The following CFAP299 variants were observed in gnomAD, a reference collection of about 807,000 sequenced individuals.
CFAP299 encodes the protein cilia- and flagella-associated protein 299.
Under a neutral mutation model 27.0 loss-of-function variants are expected in CFAP299, and 21 were observed. The observed-to-expected ratio is 0.78, with a 90% CI of 0.55 to 1.12. The LOEUF (loss-of-function observed/expected upper bound fraction) is 1.12, where lower values mean the gene tolerates loss of function less well. Among genes scored for constraint, CFAP299 ranks in the 50% most tolerant of loss-of-function variants. The pLI, the probability that CFAP299 is intolerant of heterozygous loss-of-function variation, is 0.00. For synonymous variants in CFAP299, 104 were observed against 98.1 expected (o/e 1.06, Z -0.36); for missense variants, 310 against 276.6 (o/e 1.12, Z -0.86).
intron 3 of CFAP299, among the ~76,000 whole-genome samples, chr4:80,829,794 G>T (rs761874514): frequency 2.6e-5 from 4 of 152,032 alleles, no homozygotes; most frequent in Non-Finnish European, 5.9e-5. Context: ...TGATCTTTAC[G>T]GACATTATGC....
chr4:80,862,586 C>CATGACCTTT (rs1284710395), intron 3 of CFAP299, among the ~76,000 whole-genome samples: 1 of 152,006 alleles, frequency 6.6e-6, no homozygotes, highest in Non-Finnish European at 1.5e-5. Flanking sequence ...GTCCTTTGTC[C>CATGACCTTT]ATGACCTTTT....
intron 5 of CFAP299, among the ~76,000 whole-genome samples, chr4:80,954,991 C>G (rs1737981965): frequency 1.3e-5 from 1 of 74,394 alleles, no homozygotes. Flanking sequence ...CAGAGCAAGA[C>G]TCCATCAAAA....
At chr4:80,746,257 G>A (rs1211078201) in intron 3 of CFAP299, among the ~76,000 whole-genome samples, 3 of 151,814 alleles carry the variant, frequency 2.0e-5, no homozygotes, top group Non-Finnish European at 2.9e-5. Flanking sequence ...TAAAGAAATG[G>A]AGCATGCTAT....
intron 4 of CFAP299, among the ~76,000 whole-genome samples, chr4:80,919,118 G>A (rs1453856859): frequency 6.6e-6 from 1 of 152,064 alleles, no homozygotes; most frequent in Non-Finnish European, 1.5e-5. Context: ...ACAACCCTAT[G>A]GACCTGAATT....
intron 2 of CFAP299, among the ~76,000 whole-genome samples, chr4:80,519,102 C>T (rs1003872397): frequency 9.2e-5 from 14 of 152,070 alleles, no homozygotes; most frequent in African/African-American, 3.4e-4. Context: ...TGCAATTCTA[C>T]CTCTACTGCC....
intron 4 of CFAP299, among the ~76,000 whole-genome samples, chr4:80,888,144 A>G (rs1266311669): frequency 6.6e-6 from 1 of 152,146 alleles, no homozygotes; most frequent in African/African-American, 2.4e-5. Flanking sequence ...TATCAATAAT[A>G]TCATTGAATG....
At chr4:80,917,552 G>A (rs145167283) in intron 4 of CFAP299, among the ~76,000 whole-genome samples, 113 of 152,134 alleles carry the variant, frequency 7.4e-4, no homozygotes, top group African/African-American at 2.3e-3. Flanking sequence ...TGTGTTTGAG[G>A]GAACTCCAGT....
At chr4:80,933,349 A>G (rs973900046) in intron 4 of CFAP299, among the ~76,000 whole-genome samples, 5 of 152,022 alleles carry the variant, frequency 3.3e-5, no homozygotes, top group Admixed American at 3.3e-4. Flanking sequence ...CTCTGCATCT[A>G]TGAGTTTGGC....
At chr4:80,841,885 C>A (rs542117092) in intron 3 of CFAP299, among the ~76,000 whole-genome samples, 2 of 151,878 alleles carry the variant, frequency 1.3e-5, no homozygotes, top group African/African-American at 2.4e-5. Context: ...TTTTTGTTTA[C>A]TAGTATAAAA....
intron 5 of CFAP299, among the ~76,000 whole-genome samples, chr4:80,950,155 CAT>C (rs1737697291): frequency 6.6e-6 from 1 of 152,128 alleles, no homozygotes; most frequent in African/African-American, 2.4e-5. Flanking sequence ...GGAGAAAGAA[CAT>C]GTGTGTGTGA....
intron 3 of CFAP299, among the ~76,000 whole-genome samples, chr4:80,856,117 T>C (rs1731865100): frequency 1.3e-5 from 2 of 151,778 alleles, no homozygotes; most frequent in African/African-American, 4.8e-5. Flanking sequence ...TATGAGATGA[T>C]ATCTCATTGT....
chr4:80,392,226 G>A (rs1435562380), intron 2 of CFAP299, among the ~76,000 whole-genome samples: 2 of 152,144 alleles, frequency 1.3e-5, no homozygotes, highest in Non-Finnish European at 2.9e-5. Context: ...ATAGGTGGAA[G>A]GGACTTGCCT....
intron 3 of CFAP299, among the ~76,000 whole-genome samples, chr4:80,651,515 G>A (rs975910956): frequency 4.6e-5 from 7 of 151,436 alleles, no homozygotes; most frequent in East Asian, 1.9e-4. Flanking sequence ...AGAGTTGTGC[G>A]CCGCCACACC....
intron 2 of CFAP299, among the ~76,000 whole-genome samples, chr4:80,443,663 A>G (rs955070736): frequency 2.0e-5 from 3 of 152,182 alleles, no homozygotes; most frequent in African/African-American, 7.2e-5. Flanking sequence ...TCAACACAGT[A>G]TTGGAAGTCC....
intron 2 of CFAP299, among the ~76,000 whole-genome samples, chr4:80,435,289 T>G (rs373847520): frequency 6.6e-6 from 1 of 152,162 alleles, no homozygotes; most frequent in African/African-American, 2.4e-5. Flanking sequence ...TCAGATAGCC[T>G]GAATGTATCT....
At chr4:80,331,760 G>A (rs1721951274), upstream of CFAP299, among the ~76,000 whole-genome samples, 1 of 152,214 alleles carries the variant, frequency 6.6e-6, no homozygotes, top group Non-Finnish European at 1.5e-5. Flanking sequence ...AGTGGCATCT[G>A]CTAGGCAGTT....
intron 4 of CFAP299, among the ~76,000 whole-genome samples, chr4:80,879,671 G>A (rs929893722): frequency 6.6e-5 from 10 of 152,080 alleles, no homozygotes. Flanking sequence ...AAGAGTGTGA[G>A]TGAAGCAGAT....
At chr4:80,915,949 T>C (rs1735729204) in intron 4 of CFAP299, among the ~76,000 whole-genome samples, 1 of 151,778 alleles carries the variant, frequency 6.6e-6, no homozygotes, top group South Asian at 2.1e-4. Context: ...CATTTCTGAG[T>C]ATATTTCCGT....
At chr4:80,682,966 A>G (rs1403295390) in intron 3 of CFAP299, among the ~76,000 whole-genome samples, 12 of 152,322 alleles carry the variant, frequency 7.9e-5, no homozygotes, top group South Asian at 4.1e-4. Context: ...CCAATTTGCT[A>G]TATCAATTCA....
Sources: allele counts gnomAD v4.1 joint callset (sites outside exome capture counted in the v4.1 genomes callset), GRCh38; gene constraint gnomAD v4.1.1; transcripts MANE v1.5; gene names NCBI Gene and HGNC (gene_info 2026-07-23, HGNC 2026-07-21).